GRB14: variants seen among roughly 807,000 people sequenced by gnomAD.
The protein encoded by GRB14 is growth factor receptor bound protein 14, also known as growth factor receptor-bound protein 14.
GRB14 carries 38 observed loss-of-function variants against 69.1 expected under a neutral mutation model. The ratio of observed to expected loss-of-function variants is 0.55; its 90% CI spans 0.42 to 0.72. The LOEUF (loss-of-function observed/expected upper bound fraction) is 0.72. GRB14 is among the 30% of genes least tolerant of loss of function. GRB14 has a pLI of 0.00. For missense variants in GRB14, 666 were observed against 666.1 expected, an observed-to-expected ratio of 1.00 and a Z score of 0.00; for synonymous variants, 247 against 241.3, an observed-to-expected ratio of 1.02 and a Z score of -0.22.
At chr2:164,510,629 C>T (rs1013485891) in intron 6 of GRB14, among the ~76,000 whole-genome samples, 1 of 152,042 alleles carries the variant, frequency 6.6e-6, no homozygotes, top group Non-Finnish European at 1.5e-5. Context: ...CTATCCTCCC[C>T]CAAGCAGGAA....
At chr2:164,615,753 G>A (rs1690274827) in intron 2 of GRB14, among the ~76,000 whole-genome samples, 1 of 152,098 alleles carries the variant, frequency 6.6e-6, no homozygotes, top group Admixed American at 6.5e-5. Flanking sequence ...TTACTTAGTT[G>A]TACAACATAG....
chr2:164,612,621 GT>G (rs1384021136), intron 2 of GRB14, among the ~76,000 whole-genome samples: 1 of 152,120 alleles, frequency 6.6e-6, no homozygotes, highest in East Asian at 1.9e-4. Context: ...ATACAATAGA[GT>G]TTATTACTAT....
At chr2:164,566,851 C>T (rs1229214884) in intron 2 of GRB14, among the ~76,000 whole-genome samples, 1 of 152,032 alleles carries the variant, frequency 6.6e-6, no homozygotes, top group African/African-American at 2.4e-5. Context: ...GTTTGTTATA[C>T]AGATGAGGAA....
intron 2 of GRB14, among the ~76,000 whole-genome samples, chr2:164,564,280 C>T (rs1014169565): frequency 2.0e-5 from 3 of 152,160 alleles, no homozygotes; most frequent in Non-Finnish European, 4.4e-5. Flanking sequence ...GCAGTGAAGG[C>T]TTCAAGGGAA....
intron 6 of GRB14, among the ~76,000 whole-genome samples, chr2:164,515,779 G>A (rs1368045224): frequency 7.5e-6 from 1 of 133,752 alleles, no homozygotes; most frequent in Non-Finnish European, 1.6e-5. Context: ...AGGCACCAGA[G>A]AAAGGTGAAG....
At chr2:164,574,311 A>T (rs1229386389) in intron 2 of GRB14, among the ~76,000 whole-genome samples, 2 of 148,742 alleles carry the variant, frequency 1.3e-5, no homozygotes, top group Non-Finnish European at 3.0e-5. Context: ...GTGCGATCTC[A>T]GCTCACTGCA....
At chr2:164,592,285 T>C (rs1383714263) in intron 2 of GRB14, among the ~76,000 whole-genome samples, 2 of 152,028 alleles carry the variant, frequency 1.3e-5, no homozygotes, top group Non-Finnish European at 2.9e-5. Flanking sequence ...CAGGTGCCTA[T>C]CATCACGCCA....
chr2:164,533,909 T>A (rs902283192), intron 3 of GRB14, among the ~76,000 whole-genome samples: 2 of 151,916 alleles, frequency 1.3e-5, no homozygotes, highest in Non-Finnish European at 2.9e-5. Flanking sequence ...CTTGAAAAAA[T>A]AAAATAAAGG....
rs115270470 is a variant in GRB14, at chr2:164,590,861, C to T, written c.324+28826G>A. Among the ~76,000 whole-genome samples the T allele has an allele frequency of 6.4e-3, 971 of 152,218 alleles. 9 individuals carry two copies. The highest frequency in any genetic ancestry group is 0.011 in the Non-Finnish European group (751 of 68,014). The stretch of plus-strand genomic sequence containing the variant: ...TCTGAATATACAACTGCACTGGTCC[C>T]GCTATTCTAAATCATGTTTGCAAAG... On this transcript the variant is annotated intron_variant, in intron 2 of 13. Transcript: ENST00000263915.
chr2:164,589,643 A>G (rs1689614911), intron 2 of GRB14, among the ~76,000 whole-genome samples: 1 of 152,026 alleles, frequency 6.6e-6, no homozygotes, highest in Non-Finnish European at 1.5e-5. Context: ...AAGGGCATTA[A>G]TCTATTCATG....
intron 2 of GRB14, among the ~76,000 whole-genome samples, chr2:164,580,866 C>T (rs2105337846): frequency 6.6e-6 from 1 of 152,286 alleles, no homozygotes; most frequent in East Asian, 1.9e-4. Flanking sequence ...GCTTTGAAAA[C>T]TCCCAGTGAC....
intron 2 of GRB14, among the ~76,000 whole-genome samples, chr2:164,561,234 A>G (rs1464672792): frequency 6.6e-6 from 1 of 152,222 alleles, no homozygotes; most frequent in Non-Finnish European, 1.5e-5. Context: ...TGCTGTGATC[A>G]GATCTCAGAC....
intron 2 of GRB14, among the ~76,000 whole-genome samples, chr2:164,560,344 C>T (rs1380099103): frequency 1.3e-5 from 2 of 152,046 alleles, no homozygotes; most frequent in Non-Finnish European, 1.5e-5. Flanking sequence ...TTTCACTTTT[C>T]ATAGCTTCTC....
chr2:164,525,147 G>T, intron 4 of GRB14, 69 bp from the exon 5 acceptor site: 1 of 1,041,726 alleles, frequency 9.6e-7, no homozygotes, highest in Non-Finnish European at 1.4e-6. Context: ...GACCAATATA[G>T]TAATCAAAAG....
chr2:164,581,040 A>G (rs1486879640), intron 2 of GRB14, among the ~76,000 whole-genome samples: 6 of 152,352 alleles, frequency 3.9e-5, no homozygotes, highest in African/African-American at 1.4e-4. Flanking sequence ...CCCTCAAACA[A>G]GTGAAACAAC....
intron 3 of GRB14, among the ~76,000 whole-genome samples, chr2:164,537,861 C>A (rs1688118893): frequency 6.6e-6 from 1 of 152,094 alleles, no homozygotes; most frequent in Non-Finnish European, 1.5e-5. Context: ...AGCACAGTGC[C>A]ACATGTCCCA....
chr2:164,539,634 C>T (rs1021589234), intron 3 of GRB14: 6 of 152,102 alleles, frequency 3.9e-5, no homozygotes, highest in Admixed American at 6.5e-5. Context: ...TGAGAAGCAA[C>T]GATAGTAGCA....
intron 2 of GRB14, among the ~76,000 whole-genome samples, chr2:164,562,786 C>G (rs912615677): frequency 1.2e-4 from 18 of 152,280 alleles, no homozygotes; most frequent in Admixed American, 7.2e-4. Context: ...TGAAAGAATG[C>G]TCCCAAAGCC....
chr2:164,603,926 A>G (rs933463009), intron 2 of GRB14, among the ~76,000 whole-genome samples: 2 of 152,222 alleles, frequency 1.3e-5, no homozygotes, highest in Non-Finnish European at 2.9e-5. Context: ...AAATGCAAAC[A>G]ATGCAACAGA....
Sources: gnomAD v4.1 joint callset for allele counts (sites outside exome capture counted in the v4.1 genomes callset) on GRCh38, gnomAD v4.1.1 for gene constraint, MANE v1.5 for transcripts, NCBI Gene and HGNC (gene_info 2026-07-23, HGNC 2026-07-21) for gene names.